Variants in BTRC observed in about 807,000 individuals in gnomAD.
BTRC encodes the protein beta-transducin repeat containing E3 ubiquitin protein ligase.
Under a neutral mutation model 85.5 loss-of-function variants are expected in BTRC, and 42 were observed. That is an observed-to-expected ratio of 0.49 (90% CI 0.38 to 0.64). The LOEUF (loss-of-function observed/expected upper bound fraction) is 0.64, where lower values mean the gene tolerates loss of function less well. Ranked by LOEUF, BTRC falls within the 30% of genes least tolerant of loss-of-function variation. The probability of loss-of-function intolerance (pLI) is 0.00; values close to 1 mark genes in which losing one functional copy is unlikely to be tolerated. For synonymous variants in BTRC, 255 were observed against 263.3 expected, an observed-to-expected ratio of 0.97 and a Z score of 0.30; for missense variants, 594 against 743.5, an observed-to-expected ratio of 0.80 and a Z score of 2.34.
intron 2 of BTRC, among the ~76,000 whole-genome samples, chr10:101,449,109 A>G (rs1944898616): frequency 1.3e-5 from 2 of 152,056 alleles, no homozygotes; most frequent in African/African-American, 2.4e-5. Context: ...AGCCCAGTCT[A>G]GCTTTCAGAA....
At chr10:101,400,898 T>C (rs1943477458) in intron 1 of BTRC, among the ~76,000 whole-genome samples, 1 of 152,144 alleles carries the variant, frequency 6.6e-6, no homozygotes, top group African/African-American at 2.4e-5. Flanking sequence ...CTTTTTTCCG[T>C]CCCCACTATC....
intron 2 of BTRC, among the ~76,000 whole-genome samples, chr10:101,439,491 A>T (rs1944625083): frequency 6.6e-6 from 1 of 152,226 alleles, no homozygotes; most frequent in South Asian, 2.1e-4. Context: ...TTAAAGTTGC[A>T]GTATCGTTGC....
intron 1 of BTRC, among the ~76,000 whole-genome samples, chr10:101,416,220 T>G (rs1589440842): frequency 6.6e-6 from 1 of 152,346 alleles, no homozygotes; most frequent in South Asian, 2.1e-4. Context: ...AATATTCCAT[T>G]GTATGCATAT....
At chr10:101,437,689 A>G (rs1040794591) in intron 2 of BTRC, among the ~76,000 whole-genome samples, 1 of 152,140 alleles carries the variant, frequency 6.6e-6, no homozygotes, top group African/African-American at 2.4e-5. Context: ...AGCTGCTCAC[A>G]TGTTTTTGAA....
chr10:101,398,287 G>T (rs1589421197), intron 1 of BTRC, among the ~76,000 whole-genome samples: 1 of 152,058 alleles, frequency 6.6e-6, no homozygotes, highest in East Asian at 1.9e-4. Context: ...AATGTGTGTT[G>T]AAAATTTCTT....
At chr10:101,427,433 A>G (rs1229381554) in intron 1 of BTRC, among the ~76,000 whole-genome samples, 1 of 148,924 alleles carries the variant, frequency 6.7e-6, no homozygotes, top group African/African-American at 2.5e-5. Flanking sequence ...AGCATTTCTT[A>G]TAACAATGAG....
intron 4 of BTRC, among the ~76,000 whole-genome samples, chr10:101,518,902 G>A (rs2062060979): frequency 6.6e-6 from 1 of 152,020 alleles, no homozygotes; most frequent in South Asian, 2.1e-4. Context: ...CACAAACTTA[G>A]CAAGTTAAAA....
At chr10:101,546,515 C>A (rs995576677) in intron 13 of BTRC, among the ~76,000 whole-genome samples, 1 of 151,914 alleles carries the variant, frequency 6.6e-6, no homozygotes, top group Admixed American at 6.5e-5. Flanking sequence ...AATGAAAACA[C>A]AGCTATCAAA....
intron 1 of BTRC, among the ~76,000 whole-genome samples, chr10:101,381,598 C>A (rs1163166215): frequency 6.6e-6 from 1 of 152,018 alleles, no homozygotes; most frequent in African/African-American, 2.4e-5. Context: ...GGGATGTTAT[C>A]TTTTGACTTA....
chr10:101,435,663 A>G (rs959524290), intron 2 of BTRC, among the ~76,000 whole-genome samples: 2 of 152,154 alleles, frequency 1.3e-5, no homozygotes, highest in Non-Finnish European at 1.5e-5. Context: ...ACAGTTTTGT[A>G]TAAGTCTTTT....
At chr10:101,377,498 A>G (rs1358752140) in intron 1 of BTRC, among the ~76,000 whole-genome samples, 2 of 152,206 alleles carry the variant, frequency 1.3e-5, no homozygotes, top group African/African-American at 2.4e-5. Context: ...CCCACAAGCA[A>G]TGGGTGAGAG....
At chr10:101,405,443 T>C (rs1054209505) in intron 1 of BTRC, among the ~76,000 whole-genome samples, 1 of 152,186 alleles carries the variant, frequency 6.6e-6, no homozygotes, top group Non-Finnish European at 1.5e-5. Flanking sequence ...TTTGCCATTC[T>C]CTCTGAGTGT....
intron 1 of BTRC, among the ~76,000 whole-genome samples, chr10:101,404,021 TA>T (rs1943553993): frequency 1.3e-4 from 4 of 29,754 alleles, no homozygotes; most frequent in African/African-American, 2.2e-4. Flanking sequence ...TATATATATA[TA>T]TATATATATT....
chr10:101,446,420 A>G (rs1429242920), intron 2 of BTRC, among the ~76,000 whole-genome samples: 1 of 152,176 alleles, frequency 6.6e-6, no homozygotes, highest in Admixed American at 6.5e-5. Context: ...CTCCCAAAGA[A>G]GCAAATTATC....
chr10:101,426,529 G>A (rs1037734868), intron 1 of BTRC, among the ~76,000 whole-genome samples: 11 of 152,276 alleles, frequency 7.2e-5, no homozygotes, highest in Middle Eastern at 3.4e-3. Flanking sequence ...AGGGGATGGG[G>A]TAAGCACTTT....
At chr10:101,446,522 G>A (rs1400337151) in intron 2 of BTRC, among the ~76,000 whole-genome samples, 1 of 152,186 alleles carries the variant, frequency 6.6e-6, no homozygotes, top group Non-Finnish European at 1.5e-5. Flanking sequence ...TATTCAGAGA[G>A]ATGAAAATTT....
intron 1 of BTRC, among the ~76,000 whole-genome samples, chr10:101,361,845 C>G (rs1042408115): frequency 5.3e-5 from 8 of 152,170 alleles, no homozygotes; most frequent in Admixed American, 5.2e-4. Flanking sequence ...CCTGCTAGTT[C>G]CTGGATTACC....
chr10:101,549,852 G>A (rs1218533022), intron 13 of BTRC, among the ~76,000 whole-genome samples: 1 of 151,880 alleles, frequency 6.6e-6, no homozygotes, highest in African/African-American at 2.4e-5. Context: ...TGCCAGTGGT[G>A]TGCTAGAACA....
intron 8 of BTRC, 60 bp downstream of exon 8, chr10:101,532,492 C>T (rs775983898): frequency 2.7e-5 from 41 of 1,510,976 alleles, no homozygotes; most frequent in Non-Finnish European, 3.0e-5. Context: ...ACATTCATAG[C>T]GCAGTCTAAA....
Sources: gnomAD v4.1 joint callset for allele counts (sites outside exome capture counted in the v4.1 genomes callset) on GRCh38, gnomAD v4.1.1 for gene constraint, MANE v1.5 for transcripts, NCBI Gene and HGNC (gene_info 2026-07-23, HGNC 2026-07-21) for gene names.